RGS3: variants seen among roughly 807,000 people sequenced by gnomAD.
RGS3 encodes regulator of G protein signaling 3.
A neutral mutation model predicts 132.6 loss-of-function variants in RGS3; 80 were observed. That is an observed-to-expected ratio of 0.60 (90% CI 0.50 to 0.73). RGS3 has a LOEUF of 0.73. Ranked by LOEUF, RGS3 falls within the 30% of genes least tolerant of loss-of-function variation. The pLI is 0.00. For synonymous variants in RGS3, 598 were observed against 620.6 expected (o/e 0.96, Z 0.54); for missense variants, 1,382 against 1,530.8 (o/e 0.90, Z 1.62).
intron 19 of RGS3, among the ~76,000 whole-genome samples, chr9:113,543,945 T>C (rs1833003626): frequency 6.6e-6 from 1 of 152,218 alleles, no homozygotes; most frequent in East Asian, 1.9e-4. Context: ...GATCGAACAA[T>C]TAATTTGGCT....
At chr9:113,520,549 T>G (rs1007364366) in intron 16 of RGS3, among the ~76,000 whole-genome samples, 12 of 150,944 alleles carry the variant, frequency 7.9e-5, no homozygotes, top group African/African-American at 2.9e-4. Context: ...GCTGTTTTTT[T>G]TTTTTTTTTT....
At chr9:113,492,972 G>A (rs909841601) in intron 7 of RGS3, among the ~76,000 whole-genome samples, 5 of 152,220 alleles carry the variant, frequency 3.3e-5, no homozygotes, top group African/African-American at 9.6e-5. Context: ...AGCAGAGAGA[G>A]GTTGCTGAGC....
chr9:113,500,771 T>C (rs1473064081), intron 10 of RGS3, among the ~76,000 whole-genome samples: 2 of 149,804 alleles, frequency 1.3e-5, no homozygotes, highest in Non-Finnish European at 3.0e-5. Context: ...CACTGCAACC[T>C]CTGCCTCCTG....
intron 17 of RGS3, among the ~76,000 whole-genome samples, chr9:113,523,550 C>T (rs375009498): frequency 1.4e-4 from 22 of 152,316 alleles, no homozygotes; most frequent in African/African-American, 4.8e-4. Flanking sequence ...GACCGCAACT[C>T]GGCTCTACTC....
chr9:113,484,096 C>A (rs1830247599), intron 5 of RGS3, 42 bp from the exon 4 acceptor site: 1 of 1,217,910 alleles, frequency 8.2e-7, no homozygotes, highest in Non-Finnish European at 1.2e-6. Flanking sequence ...CTTAGGTGGG[C>A]CATGAGATCC....
chr9:113,461,021 AT>A (rs1233006282), intron 1 of RGS3, among the ~76,000 whole-genome samples: 8 of 152,174 alleles, frequency 5.3e-5, no homozygotes, highest in African/African-American at 1.9e-4. Context: ...GTGTGCTTAT[AT>A]ATATGCATAG....
chr9:113,488,783 T>C (rs1289233238), intron 7 of RGS3, among the ~76,000 whole-genome samples: 1 of 152,226 alleles, frequency 6.6e-6, no homozygotes, highest in African/African-American at 2.4e-5. Flanking sequence ...CAGAGGGCCC[T>C]GTGAAGCTGT....
chr9:113,474,815 C>T (rs183119899), intron 3 of RGS3, among the ~76,000 whole-genome samples: 105 of 152,324 alleles, frequency 6.9e-4, no homozygotes, highest in Middle Eastern at 3.4e-3. Context: ...GATGTATTCT[C>T]TGCACATCTC....
intron 24 of RGS3, among the ~76,000 whole-genome samples, chr9:113,596,078 T>G (rs983742540): frequency 6.6e-6 from 1 of 152,242 alleles, no homozygotes. Context: ...CTCATGCCTG[T>G]AATCCCAGCA....
intron 19 of RGS3, among the ~76,000 whole-genome samples, chr9:113,545,463 C>T (rs1340650114): frequency 1.3e-5 from 2 of 152,196 alleles, no homozygotes. Flanking sequence ...AAACTGTTTC[C>T]AGGCAGCCAC....
At chr9:113,514,687 A>G in intron 15 of RGS3, 33 bp downstream of exon 13, 1 of 1,604,350 alleles carries the variant, frequency 6.2e-7, no homozygotes, top group Non-Finnish European at 8.5e-7. Flanking sequence ...AGGTTCCCTC[A>G]GGAGGAACGG....
intron 14 of RGS3, among the ~76,000 whole-genome samples, chr9:113,513,240 C>G (rs72761982): frequency 0.075 from 11,392 of 152,152 alleles, 549 homozygotes; most frequent in Non-Finnish European, 0.096. Flanking sequence ...GTGCACCACC[C>G]CTTGTTCAGG....
At chr9:113,447,062 C>T (rs1423373281) in intron 1 of RGS3, among the ~76,000 whole-genome samples, 1 of 151,468 alleles carries the variant, frequency 6.6e-6, no homozygotes, top group East Asian at 2.0e-4. Flanking sequence ...GAGATCGAGA[C>T]CATCCTGGCT....
chr9:113,472,248 G>A (rs567105281), intron 3 of RGS3, among the ~76,000 whole-genome samples: 4 of 152,184 alleles, frequency 2.6e-5, no homozygotes, highest in Non-Finnish European at 5.9e-5. Context: ...ATTTGACCCA[G>A]CAATTCCACT....
chr9:113,538,156 G>A (rs985065108), intron 19 of RGS3, among the ~76,000 whole-genome samples: 1 of 152,226 alleles, frequency 6.6e-6, no homozygotes, highest in African/African-American at 2.4e-5. Context: ...ATGAGAGGGT[G>A]CATATACGGG....
At position 113,579,044 on chromosome 9, in the gene RGS3, G is replaced by A. The variant is rs1453265862; in HGVS notation, c.2038-4406G>A. Among the ~76,000 whole-genome samples the A allele has an allele frequency of 6.6e-6, 1 of 151,998 alleles. No individual in the cohort carries two copies. Among genetic ancestry groups the A allele is most frequent in the East Asian group, 1.9e-4 (1 of 5,172 alleles). On this transcript the variant is annotated intron_variant, in intron 19 of 24. Coordinates refer to ENST00000350696, the Ensembl canonical transcript of RGS3. The surrounding 1 kb of genome is among the most constrained non-coding windows in gnomAD (Gnocchi z 4.3). Reference sequence around the variant, plus strand: ...GTCAGTAAAATCCTGGCTGTTAAGGGCCACCCTGAGACAGAGGCAAACCCC... The same window carrying A: ...GTCAGTAAAATCCTGGCTGTTAAGGACCACCCTGAGACAGAGGCAAACCCC...
chr9:113,573,382 C>A (rs2118901941), intron 19 of RGS3, among the ~76,000 whole-genome samples: 1 of 152,308 alleles, frequency 6.6e-6, no homozygotes, highest in South Asian at 2.1e-4. Context: ...AGGCAAGGAG[C>A]AGAGGGGCAC....
intron 19 of RGS3, among the ~76,000 whole-genome samples, chr9:113,552,777 C>G (rs561427350): frequency 6.2e-4 from 95 of 152,128 alleles, no homozygotes; most frequent in Non-Finnish European, 1.2e-3. Context: ...TGTGTCTCCT[C>G]ATTTATGCAA....
intron 3 of RGS3, among the ~76,000 whole-genome samples, chr9:113,473,242 A>G (rs1412601737): frequency 6.6e-6 from 1 of 152,198 alleles, no homozygotes; most frequent in Non-Finnish European, 1.5e-5. Flanking sequence ...CACCTCTTGA[A>G]AGGAAGAGTA....
Sources: allele counts gnomAD v4.1 joint callset (sites outside exome capture counted in the v4.1 genomes callset), GRCh38; gene constraint gnomAD v4.1.1; non-coding constraint Gnocchi (gnomAD v3.1); transcripts MANE v1.5; gene names NCBI Gene and HGNC (gene_info 2026-07-23, HGNC 2026-07-21).